Variants in TBC1D15 observed in about 807,000 individuals in gnomAD.
The protein encoded by TBC1D15 is TBC1 domain family member 15.
A neutral mutation model predicts 95.4 loss-of-function variants in TBC1D15; 39 were observed. The ratio of observed to expected loss-of-function variants is 0.41; its 90% CI spans 0.32 to 0.53. The LOEUF (loss-of-function observed/expected upper bound fraction) is 0.53, where lower values mean the gene tolerates loss of function less well. Among genes scored for constraint, TBC1D15 ranks in the 20% least tolerant of loss-of-function variants. The pLI is 0.29. For synonymous variants in TBC1D15, 258 were observed against 261.3 expected (o/e 0.99, Z 0.12); for missense variants, 733 against 794.3 (o/e 0.92, Z 0.93).
rs552633968 is a variant in TBC1D15, at chr12:71,861,115, TG to T, written c.31-10954del. 2.3e-3 allele frequency among the ~76,000 whole-genome samples: 350 copies of T among 152,302 alleles called. 1 individual carries two copies. The highest frequency in any genetic ancestry group is 8.2e-3 in the African/African-American group (342 of 41,576). ...TGCTGGATTCCACTTATTAGTATTT[TG>T]TTGAGAATTTTTGCATCTGTATTCA... On this transcript the variant is annotated intron_variant, in intron 1 of 16. Coordinates refer to ENST00000485960, the MANE Select transcript of TBC1D15 (RefSeq NM_001146213.3).
rs199761292 is a variant in TBC1D15, at chr12:71,894,311, T to A, written c.658-375T>A. 3.2e-5 allele frequency: 51 copies of A among 1,612,030 alleles called. No individual in the cohort carries two copies. The African/African-American group carries it at 6.4e-4, about 20-fold the overall frequency. On this transcript the variant is annotated intron_variant, in intron 6 of 16. Coordinates refer to ENST00000485960, the MANE Select transcript of TBC1D15 (RefSeq NM_001146213.3). ...GGTGGTACACACTTCAAGAAATATT[T>A]TTTTTGTATGAAGGCAGGACTGCTA...
chr12:71,894,887 A>G lies in TBC1D15; in HGVS notation c.855+4A>G. On this transcript the variant is annotated splice_donor_region_variant and intron_variant, in intron 7 of 16. Transcript: ENST00000485960. Reference sequence around the variant, plus strand: ...AGGATTTGAAGTCATCACAAGAGTGAGTAAAGATTAGTATTAATATAGCTC... The same window carrying G: ...AGGATTTGAAGTCATCACAAGAGTGGGTAAAGATTAGTATTAATATAGCTC... 6.2e-7 allele frequency: 1 copy of G among 1,608,990 alleles called. No homozygotes were observed. The highest frequency in any genetic ancestry group is 8.5e-7 in the Non-Finnish European group (1 of 1,176,238).
chr12:71,894,463 AC>A, intron 6 of TBC1D15: 1 of 1,388,144 alleles, frequency 7.2e-7, no homozygotes, highest in Non-Finnish European at 1.0e-6. Flanking sequence ...AGTAGCATTA[AC>A]TTGTCATTTA....
At chr12:71,870,862 A>C (rs1429857969) in intron 1 of TBC1D15, among the ~76,000 whole-genome samples, 1 of 152,188 alleles carries the variant, frequency 6.6e-6, no homozygotes, top group Non-Finnish European at 1.5e-5. Flanking sequence ...AAAAACAGGA[A>C]GATACATACC....
intron 2 of TBC1D15, 115 bp from the exon 3 acceptor site, chr12:71,872,814 T>C: frequency 1.5e-6 from 1 of 664,356 alleles, no homozygotes; most frequent in Non-Finnish European, 2.5e-6. Context: ...GATGTTAGCA[T>C]ATTTAAAATG....
chr12:71,884,957 C>T lies in TBC1D15; in HGVS notation c.490C>T (p.His164Tyr), dbSNP rs1895942864. The T allele has an allele frequency of 1.2e-6, 2 of 1,613,904 alleles. No individual in the cohort carries two copies. The highest frequency in any genetic ancestry group is 1.7e-6 in the Non-Finnish European group (2 of 1,179,924). Residue 164 changes from histidine (H) to tyrosine (Y), a missense_variant, in exon 5 of 17, where the codon CAC becomes TAC. Transcript: ENST00000485960. ...GGATGACGTCGTTCTCCCTGCTCTA[C>T]ACTTTCATCAAGGAGATAGCAAACT... ...LKDDVVLPAL[H>Y]FHQGDSKLLI...
At chr12:71,904,630 TTGG>T (rs1371198451) in intron 10 of TBC1D15, among the ~76,000 whole-genome samples, 1 of 151,960 alleles carries the variant, frequency 6.6e-6, no homozygotes, top group Non-Finnish European at 1.5e-5. Context: ...AGAGGAGGGG[TTGG>T]TCTTTGCCAC....
intron 5 of TBC1D15, among the ~76,000 whole-genome samples, chr12:71,891,253 G>A (rs2138641722): frequency 6.6e-6 from 1 of 152,264 alleles, no homozygotes; most frequent in East Asian, 1.9e-4. Flanking sequence ...CTTTGGGACA[G>A]GCTCACACCA....
chr12:71,910,137 GT>G (rs1373579101), intron 11 of TBC1D15, among the ~76,000 whole-genome samples: 1 of 151,808 alleles, frequency 6.6e-6, no homozygotes, highest in East Asian at 1.9e-4. Context: ...CCCATTGCTT[GT>G]TTTTCTCAGG....
chr12:71,898,664 G>T (rs1004132075), intron 10 of TBC1D15, among the ~76,000 whole-genome samples: 1 of 152,074 alleles, frequency 6.6e-6, no homozygotes, highest in Non-Finnish European at 1.5e-5. Flanking sequence ...GATAGCATTG[G>T]ATAGTACTGG....
chr12:71,918,374 A>G (rs1904199615), intron 13 of TBC1D15, 77 bp from the exon 14 acceptor site: 1 of 911,752 alleles, frequency 1.1e-6, no homozygotes, highest in Admixed American at 2.5e-5. Context: ...TGCATAGGAA[A>G]GTTAGAGAAA....
At position 71,880,610 on chromosome 12, in the gene TBC1D15, A is replaced by C. The variant is rs758823839; in HGVS notation, c.343+3A>C. ...AAGGAAACCACATACCAATGGAGGT[A>C]TGAATTAAATCTTTTGAAATCTTAA... On this transcript the variant is annotated splice_donor_region_variant and intron_variant, in intron 4 of 16. Transcript: ENST00000485960. 20 of 1,598,872 alleles carry C rather than the reference A, an allele frequency of 1.3e-5. No homozygotes were observed. The highest frequency in any genetic ancestry group is 1.7e-5 in the Non-Finnish European group (20 of 1,174,634).
intron 1 of TBC1D15, among the ~76,000 whole-genome samples, chr12:71,863,885 ATTTC>A (rs1890909422): frequency 6.6e-6 from 1 of 150,764 alleles, no homozygotes; most frequent in Admixed American, 6.6e-5. Flanking sequence ...TATTATTTCT[ATTTC>A]TTTATGGAAT....
At chr12:71,877,108 G>A (rs548086187) in intron 3 of TBC1D15, among the ~76,000 whole-genome samples, 38 of 151,900 alleles carry the variant, frequency 2.5e-4, no homozygotes, top group African/African-American at 8.7e-4. Flanking sequence ...ACTGTGCCTG[G>A]CTGTTTTTGA....
intron 5 of TBC1D15, among the ~76,000 whole-genome samples, chr12:71,888,959 C>T (rs1248843651): frequency 6.6e-6 from 1 of 151,632 alleles, no homozygotes; most frequent in Non-Finnish European, 1.5e-5. Context: ...AGACATGGCC[C>T]CTGCCTTAAG....
chr12:71,883,781 A>G (rs2138520614), intron 4 of TBC1D15, among the ~76,000 whole-genome samples: 1 of 152,254 alleles, frequency 6.6e-6, no homozygotes, highest in Non-Finnish European at 1.5e-5. Context: ...AATTTCAGAG[A>G]CACGACTTGC....
chr12:71,922,157 T>C (rs1038041655), intron 16 of TBC1D15, among the ~76,000 whole-genome samples: 2 of 152,142 alleles, frequency 1.3e-5, no homozygotes, highest in African/African-American at 4.8e-5. Flanking sequence ...TGACCTCGGC[T>C]CACTGCAACC....
At chr12:71,881,746 T>G (rs778597250) in intron 4 of TBC1D15, among the ~76,000 whole-genome samples, 5 of 151,686 alleles carry the variant, frequency 3.3e-5, no homozygotes, top group African/African-American at 1.2e-4. Context: ...TGAAACCCTG[T>G]CTCTACTAAA....
At chr12:71,921,339 T>C (rs772754939) in intron 15 of TBC1D15, 29 bp from the exon 16 acceptor site, 1 of 1,335,450 alleles carries the variant, frequency 7.5e-7, no homozygotes, top group South Asian at 1.4e-5. Flanking sequence ...TCAGTTTCGA[T>C]ATCATTTTAT....
Sources: gnomAD v4.1 joint callset for allele counts (sites outside exome capture counted in the v4.1 genomes callset) on GRCh38, gnomAD v4.1.1 for gene constraint, MANE v1.5 for transcripts, NCBI Gene and HGNC (gene_info 2026-07-23, HGNC 2026-07-21) for gene names.